FBXL17: variants seen among roughly 807,000 people sequenced by gnomAD.
FBXL17 encodes F-box and leucine rich repeat protein 17.
In FBXL17, 22 loss-of-function variants were observed where a neutral mutation model predicts 66.2. The ratio of observed to expected loss-of-function variants is 0.33; its 90% CI spans 0.24 to 0.47. The LOEUF (loss-of-function observed/expected upper bound fraction) is 0.47. FBXL17 is among the 20% of genes least tolerant of loss of function. FBXL17 has a pLI of 1.00. For synonymous variants in FBXL17, 474 were observed against 400.5 expected, an observed-to-expected ratio of 1.18 and a Z score of -2.19; for missense variants, 878 against 948.2, an observed-to-expected ratio of 0.93 and a Z score of 0.97.
chr5:108,012,471 A>G (rs1405314139), intron 7 of FBXL17, among the ~76,000 whole-genome samples: 1 of 152,094 alleles, frequency 6.6e-6, no homozygotes, highest in East Asian at 1.9e-4. Context: ...GCTTTATGAC[A>G]TTGTTTTTTC....
chr5:108,332,941 C>CAAAAGAA (rs1760194966), intron 4 of FBXL17, among the ~76,000 whole-genome samples: 1 of 34,764 alleles, frequency 2.9e-5, no homozygotes, highest in Non-Finnish European at 4.6e-5. Flanking sequence ...AAAGCAAAAG[C>CAAAAGAA]AAAAAAAAAA....
Position 108,358,921 on chromosome 5 carries a change from A to T in FBXL17, c.1374+5817T>A, listed in dbSNP as rs111822342. On this transcript the variant is annotated intron_variant, in intron 3 of 8. Coordinates refer to ENST00000542267, the MANE Select transcript of FBXL17 (RefSeq NM_001163315.3). The stretch of plus-strand genomic sequence containing the variant: ...TTTTGTTAAGAGATGGGGTCTTGCT[A>T]TATTGCCCTAGCTGGAGTGCAGTGA... 3.9e-3 allele frequency among the ~76,000 whole-genome samples: 590 copies of T among 152,000 alleles called. 8 individuals carry two copies. The highest frequency in any genetic ancestry group is 0.013 in the African/African-American group (559 of 41,470).
At chr5:108,224,033 G>C (rs1271440884) in intron 5 of FBXL17, 88 bp downstream of exon 5, 8 of 547,202 alleles carry the variant, frequency 1.5e-5, no homozygotes, top group Non-Finnish European at 2.6e-5. Context: ...TGGTCTGACT[G>C]TCCCTTATTC....
chr5:108,066,722 A>G (rs1032076725), intron 6 of FBXL17, among the ~76,000 whole-genome samples: 3 of 151,948 alleles, frequency 2.0e-5, no homozygotes, highest in Non-Finnish European at 4.4e-5. Flanking sequence ...ATAAACTTAC[A>G]TATTTTCACA....
At chr5:108,180,289 T>C (rs1444269627) in intron 6 of FBXL17, among the ~76,000 whole-genome samples, 1 of 152,090 alleles carries the variant, frequency 6.6e-6, no homozygotes, top group East Asian at 1.9e-4. Flanking sequence ...GGTAGGCAGA[T>C]AACTTGAGGT....
intron 6 of FBXL17, among the ~76,000 whole-genome samples, chr5:108,183,174 G>A (rs528415255): frequency 4.6e-5 from 7 of 151,794 alleles, no homozygotes; most frequent in South Asian, 4.2e-4. Flanking sequence ...CAGAGTAGCC[G>A]GGATTACAGG....
chr5:108,145,125 T>C (rs939559186), intron 6 of FBXL17, among the ~76,000 whole-genome samples: 8 of 152,168 alleles, frequency 5.3e-5, no homozygotes, highest in Non-Finnish European at 1.0e-4. Flanking sequence ...ATTTTCCATA[T>C]ACTTTGATAT....
At chr5:108,122,796 C>A (rs140441548) in intron 6 of FBXL17, among the ~76,000 whole-genome samples, 1 of 152,260 alleles carries the variant, frequency 6.6e-6, no homozygotes, top group East Asian at 1.9e-4. Flanking sequence ...ACAGCACTGC[C>A]TCTGCCTCTT....
intron 6 of FBXL17, among the ~76,000 whole-genome samples, chr5:108,103,895 G>T (rs1749691720): frequency 2.0e-5 from 3 of 152,088 alleles, no homozygotes; most frequent in Non-Finnish European, 4.4e-5. Flanking sequence ...ACTTTTTGTT[G>T]ATTTACCCTT....
chr5:107,980,492 TGCCCAGCTA>T (rs1752764702), intron 7 of FBXL17, among the ~76,000 whole-genome samples: 1 of 149,444 alleles, frequency 6.7e-6, no homozygotes, highest in Non-Finnish European at 1.5e-5. Context: ...CATGCCACCA[TGCCCAGCTA>T]ATTTTTGTAT....
Position 108,376,874 on chromosome 5 carries a change from C to T in FBXL17, c.993+3825G>A, listed in dbSNP as rs372715232. ...TGATCTCGGCTCACTGCAACCTCCACCCACGGGTTCAAGCTGGGATTACAG... is the reference window on the plus strand; with the variant it reads ...TGATCTCGGCTCACTGCAACCTCCATCCACGGGTTCAAGCTGGGATTACAG... On this transcript the variant is annotated intron_variant, in intron 1 of 8. Transcript: ENST00000542267. 4.6e-5 allele frequency among the ~76,000 whole-genome samples: 7 copies of T among 150,938 alleles called. No individual in the cohort carries two copies. The East Asian group carries it at 9.8e-4, about 21-fold the overall frequency.
intron 3 of FBXL17, among the ~76,000 whole-genome samples, chr5:108,363,218 T>C (rs368010323): frequency 6.6e-6 from 1 of 152,028 alleles, no homozygotes; most frequent in South Asian, 2.1e-4. Context: ...TCCATGTGCA[T>C]TGCACATAAG....
chr5:107,889,746 A>G (rs953261956), intron 7 of FBXL17, among the ~76,000 whole-genome samples: 2 of 152,210 alleles, frequency 1.3e-5, no homozygotes, highest in African/African-American at 4.8e-5. Flanking sequence ...GAATTTTTTA[A>G]ACAAATGTCT....
At chr5:107,999,710 G>A (rs1753640570) in intron 7 of FBXL17, among the ~76,000 whole-genome samples, 1 of 152,034 alleles carries the variant, frequency 6.6e-6, no homozygotes, top group Non-Finnish European at 1.5e-5. Flanking sequence ...TAAGCAAAAG[G>A]AGGCAGGTCT....
At chr5:108,279,952 T>G (rs1014004404) in intron 4 of FBXL17, among the ~76,000 whole-genome samples, 2 of 152,014 alleles carry the variant, frequency 1.3e-5, no homozygotes, top group Non-Finnish European at 2.9e-5. Flanking sequence ...AAGAATAATC[T>G]AAGCCTTCAA....
intron 3 of FBXL17, 86 bp from the exon 4 acceptor site, chr5:108,348,616 A>G: frequency 7.1e-7 from 1 of 1,411,272 alleles, no homozygotes; most frequent in Non-Finnish European, 9.7e-7. Context: ...TTTTTTGAAA[A>G]TAACCACGTC....
chr5:108,064,677 A>G (rs1028512193), intron 6 of FBXL17, among the ~76,000 whole-genome samples: 1 of 152,214 alleles, frequency 6.6e-6, no homozygotes, highest in African/African-American at 2.4e-5. Flanking sequence ...CATTATTGTA[A>G]TGCAAGCTGA....
At chr5:107,990,444 G>A (rs979054701) in intron 7 of FBXL17, among the ~76,000 whole-genome samples, 1 of 152,128 alleles carries the variant, frequency 6.6e-6, no homozygotes, top group South Asian at 2.1e-4. Context: ...AATGATTAGA[G>A]CAAACTCTGG....
intron 4 of FBXL17, among the ~76,000 whole-genome samples, chr5:108,227,513 CTT>C (rs762750437): frequency 2.0e-5 from 3 of 152,160 alleles, no homozygotes; most frequent in Non-Finnish European, 4.4e-5. Flanking sequence ...AATTTAACAT[CTT>C]TGTTAGTTTT....
Sources: gnomAD v4.1 joint callset for allele counts (sites outside exome capture counted in the v4.1 genomes callset) on GRCh38, gnomAD v4.1.1 for gene constraint, MANE v1.5 for transcripts, NCBI Gene and HGNC (gene_info 2026-07-23, HGNC 2026-07-21) for gene names.